Variants in UBA2 observed in about 807,000 individuals in gnomAD.
The protein encoded by UBA2 is ubiquitin like modifier activating enzyme 2, also known as SUMO-activating enzyme subunit 2.
Under a neutral mutation model 77.2 loss-of-function variants are expected in UBA2, and 11 were observed. That is an observed-to-expected ratio of 0.14 (90% CI 0.09 to 0.24). UBA2 has a LOEUF of 0.24. UBA2 is among the 10% of genes least tolerant of loss of function. The pLI, the probability that UBA2 is intolerant of heterozygous loss-of-function variation, is 1.00. For missense variants in UBA2, 487 were observed against 781.7 expected, an observed-to-expected ratio of 0.62 and a Z score of 4.50; for synonymous variants, 278 against 276.7, an observed-to-expected ratio of 1.00 and a Z score of -0.05.
At chr19:34,464,990 A>G (rs936312203) in intron 15 of UBA2, among the ~76,000 whole-genome samples, 2 of 152,076 alleles carry the variant, frequency 1.3e-5, no homozygotes, top group Admixed American at 1.3e-4. Flanking sequence ...GTGAGCCAAG[A>G]TTGCGTCATT....
intron 15 of UBA2, among the ~76,000 whole-genome samples, chr19:34,465,906 G>A (rs532721687): frequency 4.6e-5 from 7 of 152,152 alleles, no homozygotes; most frequent in Non-Finnish European, 7.4e-5. Flanking sequence ...CCCTTAAAAC[G>A]TGTGTCTTTT....
At chr19:34,440,077 A>T (rs761395192) in intron 6 of UBA2, among the ~76,000 whole-genome samples, 7 of 152,128 alleles carry the variant, frequency 4.6e-5, no homozygotes, top group Non-Finnish European at 1.0e-4. Context: ...CAATCCCAGC[A>T]CTTTGGGAGG....
At chr19:34,451,536 G>GTTTTTTTTTT (rs773178552) in intron 9 of UBA2, among the ~76,000 whole-genome samples, 3 of 62,944 alleles carry the variant, frequency 4.8e-5, no homozygotes, top group Non-Finnish European at 5.8e-5. Flanking sequence ...AGGTTTAACA[G>GTTTTTTTTTT]TTTTTTTTTT....
chr19:34,454,666 C>T (rs1167855234), intron 12 of UBA2, 110 bp downstream of exon 12: 2 of 587,408 alleles, frequency 3.4e-6, no homozygotes, highest in Non-Finnish European at 5.4e-6. Context: ...TGGTTTAAAG[C>T]AATGGAAAAG....
chr19:34,429,010 A>G (rs1041916696), intron 1 of UBA2: 38 of 985,334 alleles, frequency 3.9e-5, no homozygotes, highest in Non-Finnish European at 4.0e-5. Context: ...ATAGCGACCA[A>G]CGCGTCCCGA....
rs185189957 is a variant in UBA2 at position 34,455,943 on chromosome 19, C to T, written c.1245+1387C>T. On this transcript the variant is annotated intron_variant, in intron 12 of 16. Transcript: ENST00000246548. Reference sequence around the variant, plus strand: ...GCATACAGGCATGAGCCACTGCGCCCGGCCTTTTTTTTTTAAACTGATGGG... The same window carrying T: ...GCATACAGGCATGAGCCACTGCGCCTGGCCTTTTTTTTTTAAACTGATGGG... Among the ~76,000 whole-genome samples, 148 of 150,186 alleles carry T rather than the reference C, an allele frequency of 9.9e-4. 1 individual carries two copies. Among genetic ancestry groups the T allele is most frequent in the Middle Eastern group, 3.4e-3 (1 of 294 alleles).
At chr19:34,452,533 A>G (rs558007776) in intron 10 of UBA2, among the ~76,000 whole-genome samples, 1 of 152,350 alleles carries the variant, frequency 6.6e-6, no homozygotes, top group African/African-American at 2.4e-5. Flanking sequence ...CTTTGAATTG[A>G]AATAGTTATT....
chr19:34,442,203 C>G (rs2075377941), intron 6 of UBA2, among the ~76,000 whole-genome samples: 1 of 152,144 alleles, frequency 6.6e-6, no homozygotes. Flanking sequence ...CCACTGCACA[C>G]TAGCCTTGGG....
At chr19:34,444,027 A>G in intron 7 of UBA2, 116 bp downstream of exon 7, 2 of 390,924 alleles carry the variant, frequency 5.1e-6, no homozygotes, top group Non-Finnish European at 4.6e-6. Flanking sequence ...TGTGTGTTTA[A>G]CATGTGTTTT....
intron 12 of UBA2, among the ~76,000 whole-genome samples, chr19:34,457,758 C>T (rs970154846): frequency 2.0e-5 from 3 of 152,228 alleles, no homozygotes; most frequent in African/African-American, 7.2e-5. Context: ...GTTTGTGTCT[C>T]AGCTTCTTGT....
intron 15 of UBA2, among the ~76,000 whole-genome samples, chr19:34,465,961 A>G (rs2075683069): frequency 6.6e-6 from 1 of 152,170 alleles, no homozygotes; most frequent in Non-Finnish European, 1.5e-5. Flanking sequence ...TCATGTACAG[A>G]AGCATGGTGT....
chr19:34,464,038 A>G lies in UBA2; in HGVS notation c.1511A>G (p.Lys504Arg), dbSNP rs771145691. The change falls in exon 15 of 17, where the codon AAG becomes AGG. Residue 504 changes from lysine to arginine, a missense_variant. Coordinates refer to ENST00000246548, the MANE Select transcript of UBA2 (RefSeq NM_005499.3). ...EEGETEANNH[K>R]KLSEFGIRNG... The stretch of plus-strand genomic sequence containing the variant: ...TCACGTTTCCTAGCTAATAATCACA[A>G]GAAGTTGTCAGAATTTGGAATTAGA... 6 of 1,612,466 alleles carry G rather than the reference A, an allele frequency of 3.7e-6. No homozygotes were observed. The highest frequency in any genetic ancestry group is 2.2e-5 in the East Asian group (1 of 44,854).
At chr19:34,435,362 C>G (rs1599890318) in intron 5 of UBA2, among the ~76,000 whole-genome samples, 2 of 152,306 alleles carry the variant, frequency 1.3e-5, no homozygotes, top group East Asian at 3.9e-4. Context: ...TGCACCACTG[C>G]CCTCCAGCCT....
intron 10 of UBA2, 147 bp from the exon 11 acceptor site, chr19:34,454,113 C>T: frequency 1.4e-6 from 1 of 698,364 alleles, no homozygotes; most frequent in South Asian, 1.9e-5. Flanking sequence ...CTGTGAGGTC[C>T]TAGCTGACTG....
At chr19:34,457,175 A>ATATATAT (rs1226463566) in intron 12 of UBA2, among the ~76,000 whole-genome samples, 2 of 78,002 alleles carry the variant, frequency 2.6e-5, no homozygotes, top group South Asian at 5.4e-4. Flanking sequence ...CTAAAAAAAA[A>ATATATAT]AAAAATATAT....
At chr19:34,438,406 T>C (rs1270465833) in intron 5 of UBA2, among the ~76,000 whole-genome samples, 1 of 152,216 alleles carries the variant, frequency 6.6e-6, no homozygotes, top group Non-Finnish European at 1.5e-5. Context: ...GGCTTGTAAG[T>C]CATGTTCACT....
At chr19:34,462,161 G>T (rs2075638454) in intron 14 of UBA2, among the ~76,000 whole-genome samples, 1 of 152,172 alleles carries the variant, frequency 6.6e-6, no homozygotes, top group South Asian at 2.1e-4. Context: ...GGAAGGGGCA[G>T]TATTTCACTG....
chr19:34,436,301 AT>A, intron 5 of UBA2, among the ~76,000 whole-genome samples: 2 of 124,892 alleles, frequency 1.6e-5, no homozygotes, highest in African/African-American at 7.8e-5. Flanking sequence ...TTATTTATTT[AT>A]TTGTTTATTT....
chr19:34,459,998 CT>C (rs2075613362), intron 13 of UBA2, among the ~76,000 whole-genome samples: 2 of 152,264 alleles, frequency 1.3e-5, no homozygotes, highest in East Asian at 1.9e-4. Context: ...AGAGTTCCTC[CT>C]TTTTTCCTTC....
Sources: gnomAD v4.1 joint callset for allele counts (sites outside exome capture counted in the v4.1 genomes callset) on GRCh38, gnomAD v4.1.1 for gene constraint, MANE v1.5 for transcripts, NCBI Gene and HGNC (gene_info 2026-07-23, HGNC 2026-07-21) for gene names.